The following ART3 variants were observed in gnomAD, a reference collection of about 807,000 sequenced individuals.
The protein encoded by ART3 is ADP-ribosyltransferase 3 (inactive).
ART3 carries 49 observed loss-of-function variants against 48.5 expected under a neutral mutation model. The observed-to-expected ratio is 1.01, with a 90% confidence interval of 0.80 to 1.28. ART3 has a LOEUF of 1.28. ART3 is among the 50% of genes most tolerant of loss of function. ART3 has a pLI of 0.00. For synonymous variants in ART3, 145 were observed against 157.2 expected (o/e 0.92, Z 0.58); for missense variants, 438 against 454.3 (o/e 0.96, Z 0.33).
Position 76,044,348 on chromosome 4 carries a change from C to T in ART3, c.-9-31533C>T, listed in dbSNP as rs554335708. On this transcript the variant is annotated intron_variant, in intron 1 of 9. Coordinates refer to the ART3 transcript ENST00000341029. Reference sequence around the variant, plus strand: ...AAGAAGGTGCAGAGTCCTCCTTTCTCAGCAGTGAGGAGGTCTAGGCCTTGG... The same window carrying T: ...AAGAAGGTGCAGAGTCCTCCTTTCTTAGCAGTGAGGAGGTCTAGGCCTTGG... 2.6e-5 allele frequency among the ~76,000 whole-genome samples: 4 copies of T among 152,190 alleles called. No homozygotes were observed. The East Asian group carries it at 5.8e-4, about 22-fold the overall frequency.
At chr4:76,110,150 A>C (rs1013022557) in intron 11 of ART3, among the ~76,000 whole-genome samples, 2 of 152,204 alleles carry the variant, frequency 1.3e-5, no homozygotes, top group African/African-American at 2.4e-5. Flanking sequence ...TGTTTAAAAA[A>C]CAATGCAGCT....
At chr4:76,091,641 T>C (rs1333499121) in intron 3 of ART3, among the ~76,000 whole-genome samples, 2 of 151,960 alleles carry the variant, frequency 1.3e-5, no homozygotes, top group South Asian at 2.1e-4. Flanking sequence ...TTGTCTGATA[T>C]GTGATTTGCA....
intron 1 of ART3, among the ~76,000 whole-genome samples, chr4:76,067,021 G>T (rs977634789): frequency 2.8e-4 from 43 of 152,146 alleles, no homozygotes; most frequent in African/African-American, 8.4e-4. Flanking sequence ...CAGGGCTCCT[G>T]CCTGCTCTGT....
At chr4:76,081,052 A>G (rs1722350539) in intron 2 of ART3, among the ~76,000 whole-genome samples, 1 of 152,230 alleles carries the variant, frequency 6.6e-6, no homozygotes, top group African/African-American at 2.4e-5. Flanking sequence ...AACTAGCTGA[A>G]GCAAACAGGG....
intron 1 of ART3, among the ~76,000 whole-genome samples, chr4:76,049,798 C>T (rs1157941802): frequency 3.3e-5 from 5 of 152,070 alleles, no homozygotes; most frequent in Middle Eastern, 3.4e-3. Context: ...AAGATGTGTC[C>T]GGAATTGGTG....
intron 1 of ART3, among the ~76,000 whole-genome samples, chr4:76,036,485 C>G (rs6825243): frequency 0.13 from 19,080 of 151,986 alleles, 1,654 homozygotes; most frequent in East Asian, 0.38. Context: ...TCAGTCCAAA[C>G]TCTTATAATA....
rs1394012025 is a variant in ART3, at chr4:76,074,804, A to G, written c.-25A>G. On this transcript the variant is annotated 5_prime_UTR_variant, in exon 1 of 12. Coordinates refer to ENST00000355810, the MANE Select transcript of ART3 (RefSeq NM_001130016.3). ...CCTAGCATCACTTAAACTTCCTCCA[A>G]AGGCACAAAAGCCAGGTAAACCTTT... is the stretch of plus-strand genomic sequence containing the variant. The G allele has an allele frequency of 1.3e-5, 2 of 152,326 alleles. No individual in the cohort carries two copies. The highest frequency in any genetic ancestry group is 1.9e-4 in the East Asian group (1 of 5,188). The allele number at this position is 152,326 out of a possible 1,614,324, so 9.4% of individuals were successfully genotyped here.
intron 1 of ART3, among the ~76,000 whole-genome samples, chr4:76,068,730 C>T (rs1056554761): frequency 6.6e-6 from 1 of 152,064 alleles, no homozygotes; most frequent in African/African-American, 2.4e-5. Flanking sequence ...TACAACAAAC[C>T]CCTCTGACAC....
chr4:76,014,303 C>A (rs1732066502), intron 1 of ART3, among the ~76,000 whole-genome samples: 1 of 151,548 alleles, frequency 6.6e-6, no homozygotes, highest in South Asian at 2.1e-4. Flanking sequence ...TACAAAAAAA[C>A]AAAAGGAAAC....
intron 10 of ART3, chr4:76,106,002 T>C (rs1728386564): frequency 1.0e-6 from 1 of 985,454 alleles, no homozygotes; most frequent in Non-Finnish European, 1.2e-6. Context: ...TACAGTGTAT[T>C]GTGCCCTCTC....
At chr4:76,091,679 C>CTTTTTT (rs869226732) in intron 3 of ART3, among the ~76,000 whole-genome samples, 1 of 112,290 alleles carries the variant, frequency 8.9e-6, no homozygotes, top group Non-Finnish European at 1.8e-5. Flanking sequence ...TGTAGCTTAT[C>CTTTTTT]TTTTTTTTTT....
At chr4:76,070,965 A>G (rs1333149005), upstream of ART3, among the ~76,000 whole-genome samples, 1 of 151,684 alleles carries the variant, frequency 6.6e-6, no homozygotes, top group Non-Finnish European at 1.5e-5. Flanking sequence ...AAGAAGATTG[A>G]CCCAATCATT....
intron 3 of ART3, among the ~76,000 whole-genome samples, chr4:76,088,018 G>A (rs139436592): frequency 2.0e-5 from 3 of 152,056 alleles, no homozygotes; most frequent in Admixed American, 2.0e-4. Context: ...CCCTTGACCC[G>A]AGGGATTCAG....
At chr4:76,017,420 T>C (rs1732369571) in intron 1 of ART3, among the ~76,000 whole-genome samples, 1 of 152,026 alleles carries the variant, frequency 6.6e-6, no homozygotes, top group Non-Finnish European at 1.5e-5. Context: ...CCCAGCACTC[T>C]ATCCTACTGT....
chr4:76,054,084 A>C (rs563692046), intron 1 of ART3, among the ~76,000 whole-genome samples: 3 of 152,376 alleles, frequency 2.0e-5, no homozygotes, highest in South Asian at 2.1e-4. Context: ...TTCAGTAAGA[A>C]GGGAGAAATA....
intron 1 of ART3, among the ~76,000 whole-genome samples, chr4:76,063,923 T>A (rs543434325): frequency 5.0e-4 from 76 of 152,210 alleles, no homozygotes; most frequent in Non-Finnish European, 1.0e-3. Context: ...ACTGAAAATG[T>A]TTATCTTCCA....
Position 76,055,500 on chromosome 4 carries a change from G to A in ART3, c.-9-20381G>A, listed in dbSNP as rs4391059. On this transcript the variant is annotated intron_variant, in intron 1 of 9. Coordinates refer to the ART3 transcript ENST00000341029. Reference sequence around the variant, plus strand: ...CACTTAACACATTTAGTTAAGAAGCGGGGTCAGAGGACAGCAGCAATGAAA... The same window carrying A: ...CACTTAACACATTTAGTTAAGAAGCAGGGTCAGAGGACAGCAGCAATGAAA... Among the ~76,000 whole-genome samples the A allele has an allele frequency of 0.016, 2,421 of 152,254 alleles. 213 individuals are homozygous for A. The East Asian group carries it at 0.24, about 15-fold the overall frequency.
intron 1 of ART3, among the ~76,000 whole-genome samples, chr4:76,015,939 G>T (rs1161357368): frequency 6.6e-6 from 1 of 152,136 alleles, no homozygotes; most frequent in African/African-American, 2.4e-5. Flanking sequence ...TAGGCACAAT[G>T]CCTGGCCTAG....
chr4:76,089,176 T>C (rs1446278326), intron 3 of ART3, among the ~76,000 whole-genome samples: 1 of 152,222 alleles, frequency 6.6e-6, no homozygotes, highest in Non-Finnish European at 1.5e-5. Flanking sequence ...GACCCTGGAA[T>C]CAGATTGTGT....
Sources: allele counts gnomAD v4.1 joint callset (sites outside exome capture counted in the v4.1 genomes callset), GRCh38; gene constraint gnomAD v4.1.1; transcripts MANE v1.5; gene names NCBI Gene and HGNC (gene_info 2026-07-23, HGNC 2026-07-21).